AGAP1: variants seen among roughly 807,000 people sequenced by gnomAD.
AGAP1 encodes the protein arf-GAP with GTPase, ANK repeat and PH domain-containing protein 1.
In AGAP1, 29 loss-of-function variants were observed where a neutral mutation model predicts 105.3. That is an observed-to-expected ratio of 0.28 (90% CI 0.21 to 0.38). The LOEUF (loss-of-function observed/expected upper bound fraction) is 0.38, where lower values mean the gene tolerates loss of function less well. Among genes scored for constraint, AGAP1 ranks in the 10% least tolerant of loss-of-function variants. The pLI is 1.00. For missense variants in AGAP1, 998 were observed against 1,165.1 expected (o/e 0.86, Z 2.09); for synonymous variants, 509 against 485.9 (o/e 1.05, Z -0.63).
At chr2:235,897,823 C>T (rs916995180) in intron 10 of AGAP1, among the ~76,000 whole-genome samples, 7 of 152,220 alleles carry the variant, frequency 4.6e-5, no homozygotes, top group South Asian at 2.1e-4. Flanking sequence ...ATATTTTCTT[C>T]TTTGGCTTAT....
At chr2:235,831,548 G>A (rs971015590) in intron 9 of AGAP1, among the ~76,000 whole-genome samples, 1 of 152,176 alleles carries the variant, frequency 6.6e-6, no homozygotes, top group African/African-American at 2.4e-5. Flanking sequence ...GGATGCCATA[G>A]AGTTGGAATG....
intron 9 of AGAP1, among the ~76,000 whole-genome samples, chr2:235,857,134 C>T (rs1184562831): frequency 1.3e-5 from 2 of 152,116 alleles, no homozygotes; most frequent in African/African-American, 2.4e-5. Flanking sequence ...AGGAACCGGG[C>T]CACACAGCAA....
chr2:235,636,901 C>T lies in AGAP1; in HGVS notation c.164-72278C>T, dbSNP rs548277638. On this transcript the variant is annotated intron_variant, in intron 1 of 17. Transcript: ENST00000304032. ...GAGGGAGAACATCATGTCAAGGCTG[C>T]GGTAATGCTTCTACAAGCCAAAAAG... is the stretch of plus-strand genomic sequence containing the variant. 7.0e-4 allele frequency among the ~76,000 whole-genome samples: 106 copies of T among 152,212 alleles called. No individual in the cohort carries two copies. In the South Asian group the frequency reaches 0.016, roughly 23 times the overall value.
At position 235,797,859 on chromosome 2, in the gene AGAP1, G is replaced by A. The variant is rs747117508; in HGVS notation, c.774G>A (p.Ala258=). 3.1e-6 allele frequency: 5 copies of A among 1,614,160 alleles called. No homozygotes were observed. The highest frequency in any genetic ancestry group is 1.7e-5 in the Admixed American group (1 of 60,022). The change falls in exon 7 of 18, where the codon GCG becomes GCA. Residue 258 remains alanine, a synonymous_variant. Coordinates refer to ENST00000304032, the MANE Select transcript of AGAP1 (RefSeq NM_001037131.3). ...CCAGCCATTCCTCCGTCTGTTCCGC[G>A]CAGGTGTCTGCCGTGCACATCAGCC... The part of the protein sequence containing the change: ...NSPSHSSVCS[A]QVSAVHISQT...
At chr2:235,918,405 G>A (rs2052007477) in intron 11 of AGAP1, among the ~76,000 whole-genome samples, 2 of 152,194 alleles carry the variant, frequency 1.3e-5, no homozygotes, top group South Asian at 4.1e-4. Context: ...TTAATGTTTT[G>A]TGAGGCTTCT....
rs1453566572 is a variant in AGAP1 at position 235,701,778 on chromosome 2, C to G, written c.164-7401C>G. 6.6e-6 allele frequency among the ~76,000 whole-genome samples: 1 copy of G among 152,068 alleles called. No homozygotes were observed. The highest frequency in any genetic ancestry group is 1.5e-5 in the Non-Finnish European group (1 of 68,010). ...CTGCGTTGAAATGGATTTCTTTATT[C>G]TATTTAAGACTCCACTTCCTTCCTC... On this transcript the variant is annotated intron_variant, in intron 1 of 17. Coordinates refer to ENST00000304032, the MANE Select transcript of AGAP1 (RefSeq NM_001037131.3). The surrounding 1 kb of genome is among the most constrained non-coding windows in gnomAD (Gnocchi z 4.1).
chr2:236,102,417 C>CA (rs34989933), intron 16 of AGAP1, among the ~76,000 whole-genome samples: 33,686 of 66,052 alleles, frequency 0.51, 8,704 homozygotes, highest in African/African-American at 0.62. Flanking sequence ...GACTCCATCT[C>CA]AAAAAAAAAA....
intron 13 of AGAP1, among the ~76,000 whole-genome samples, chr2:236,021,390 G>A (rs2056879258): frequency 6.6e-6 from 1 of 152,052 alleles, no homozygotes; most frequent in Non-Finnish European, 1.5e-5. Context: ...AAGATTCCTG[G>A]TAAGCCCGGG....
In AGAP1 at chr2:235,841,586, C is replaced by T. The variant is rs78193618; in HGVS notation, c.1050+34255C>T. ...TTGAGGCTGCAGTGAACTGTGATCT[C>T]GCCACTGCACTCCAGTGTGAGCTGT... On this transcript the variant is annotated intron_variant, in intron 9 of 17. Coordinates refer to ENST00000304032, the MANE Select transcript of AGAP1 (RefSeq NM_001037131.3). 6.7e-3 allele frequency among the ~76,000 whole-genome samples: 1,021 copies of T among 152,216 alleles called. 11 individuals are homozygous for T. The highest frequency in any genetic ancestry group is 0.023 in the African/African-American group (936 of 41,524).
intron 6 of AGAP1, among the ~76,000 whole-genome samples, chr2:235,791,528 A>T (rs1420267761): frequency 1.3e-5 from 2 of 151,922 alleles, no homozygotes; most frequent in African/African-American, 4.8e-5. Flanking sequence ...AAACAATAAG[A>T]TGGCACGTTG....
rs1198079870 is a variant in AGAP1, at chr2:235,842,981, C to T, written c.1050+35650C>T. 6.6e-6 allele frequency among the ~76,000 whole-genome samples: 1 copy of T among 152,218 alleles called. No homozygotes were observed. The highest frequency in any genetic ancestry group is 1.5e-5 in the Non-Finnish European group (1 of 68,042). On this transcript the variant is annotated intron_variant, in intron 9 of 17. Coordinates refer to ENST00000304032, the MANE Select transcript of AGAP1 (RefSeq NM_001037131.3). This position sits in a 1 kb window ranked among gnomAD's most constrained non-coding sequence, Gnocchi z 5.3. ...ACCTCAGGTGATCGGCCCGCCTCGG[C>T]CTCCCAAAGTGCTGGAGTTACAGGC... is the stretch of plus-strand genomic sequence containing the variant.
intron 1 of AGAP1, among the ~76,000 whole-genome samples, chr2:235,542,688 A>T (rs1367713042): frequency 2.0e-5 from 3 of 152,216 alleles, no homozygotes; most frequent in Admixed American, 6.5e-5. Context: ...GATCATAAAA[A>T]GTTGATTTTC....
chr2:235,954,325 G>C (rs1179898266), intron 12 of AGAP1, among the ~76,000 whole-genome samples: 1 of 151,994 alleles, frequency 6.6e-6, no homozygotes, highest in Non-Finnish European at 1.5e-5. Flanking sequence ...GGCCATGAAA[G>C]GGGTGCAGTG....
intron 13 of AGAP1, among the ~76,000 whole-genome samples, chr2:236,025,401 A>G (rs768139489): frequency 6.6e-6 from 1 of 152,064 alleles, no homozygotes; most frequent in Non-Finnish European, 1.5e-5. Flanking sequence ...GTCACTTCGT[A>G]ATGTGCTGCA....
chr2:235,752,121 G>A lies in AGAP1; in HGVS notation c.673+1633G>A, dbSNP rs973669140. On this transcript the variant is annotated intron_variant, in intron 6 of 17. Coordinates refer to ENST00000304032, the MANE Select transcript of AGAP1 (RefSeq NM_001037131.3). This position sits in a 1 kb window ranked among gnomAD's most constrained non-coding sequence, Gnocchi z 4.3. ...CCTGTGAATGTTGAAGTAAAGCGTC[G>A]TAGATGAAGGGTCCCCAGGCCCGTG... 6.6e-5 allele frequency among the ~76,000 whole-genome samples: 10 copies of A among 152,286 alleles called. No individual in the cohort carries two copies. The highest frequency in any genetic ancestry group is 2.6e-4 in the Admixed American group (4 of 15,302).
intron 6 of AGAP1, chr2:235,783,426 G>T (rs759445177): frequency 2.3e-5 from 11 of 470,160 alleles, no homozygotes; most frequent in South Asian, 1.7e-4. Context: ...CTTTCTTTGT[G>T]GTAGGACATC....
At chr2:235,591,314 C>T (rs1380017051) in intron 1 of AGAP1, among the ~76,000 whole-genome samples, 6 of 152,182 alleles carry the variant, frequency 3.9e-5, no homozygotes, top group Admixed American at 3.3e-4. Context: ...CTGCGCCCAG[C>T]CCTGTTTTTT....
At chr2:235,697,614 T>C (rs957772479) in intron 1 of AGAP1, among the ~76,000 whole-genome samples, 1 of 152,220 alleles carries the variant, frequency 6.6e-6, no homozygotes, top group African/African-American at 2.4e-5. Context: ...TCTGCTCTTG[T>C]GGCGAAAATT....
chr2:235,743,920 C>T (rs1213049880), intron 4 of AGAP1, among the ~76,000 whole-genome samples: 1 of 152,174 alleles, frequency 6.6e-6, no homozygotes, highest in Non-Finnish European at 1.5e-5. Flanking sequence ...TCACTCAGCT[C>T]CAGTTTTCCA....
Sources: allele counts gnomAD v4.1 joint callset (sites outside exome capture counted in the v4.1 genomes callset), GRCh38; gene constraint gnomAD v4.1.1; non-coding constraint Gnocchi (gnomAD v3.1); transcripts MANE v1.5; gene names NCBI Gene and HGNC (gene_info 2026-07-23, HGNC 2026-07-21).